The following BMP2K variants were observed in gnomAD, a reference collection of about 807,000 sequenced individuals.
The protein encoded by BMP2K is BMP-2-inducible protein kinase.
BMP2K carries 74 observed loss-of-function variants against 116.0 expected under a neutral mutation model. The ratio of observed to expected loss-of-function variants is 0.64; its 90% CI spans 0.53 to 0.77. The LOEUF (loss-of-function observed/expected upper bound fraction) is 0.77, where lower values mean the gene tolerates loss of function less well. Ranked by LOEUF, BMP2K falls within the 30% of genes least tolerant of loss-of-function variation. BMP2K has a pLI of 0.00. For synonymous variants in BMP2K, 486 were observed against 502.5 expected (o/e 0.97, Z 0.44); for missense variants, 1,365 against 1,403.6 (o/e 0.97, Z 0.44).
chr4:78,911,548 C>T lies in BMP2K; in HGVS notation c.3001C>T (p.Pro1001Ser), dbSNP rs748405540. Reference sequence around the variant, plus strand: ...TAATGGGAAGCGGCATCATGGCACGCCAACTAGCACAAAGAAGACTTTGAA... The same window carrying T: ...TAATGGGAAGCGGCATCATGGCACGTCAACTAGCACAAAGAAGACTTTGAA... Reference protein sequence around the residue: ...KSNGKRHHGTPTSTKKTLKPT... With the variant: ...KSNGKRHHGTSTSTKKTLKPT... Residue 1001 changes from proline (P) to serine (S), a missense_variant, in exon 16 of 16, where the codon CCA (proline) becomes TCA (serine). Physicochemically the swap from Pro to Ser is moderately conservative, Grantham distance 74. Coordinates refer to ENST00000502613, the MANE Select transcript of BMP2K (RefSeq NM_198892.2). 1.1e-5 allele frequency: 18 copies of T among 1,614,018 alleles called. No homozygotes were observed. The highest frequency in any genetic ancestry group is 1.4e-5 in the Non-Finnish European group (17 of 1,179,896).
rs1203491478 is a variant in BMP2K at position 78,903,196 on chromosome 4, C to T, written c.2063-7414C>T. ...GCCTAAACATAGCCTTTTATGAAGACTCATAAGCACAGAATGGGCAAATTC... is the reference window on the plus strand; with the variant it reads ...GCCTAAACATAGCCTTTTATGAAGATTCATAAGCACAGAATGGGCAAATTC... On this transcript the variant is annotated intron_variant, in intron 15 of 15. Transcript: ENST00000502613. Among the ~76,000 whole-genome samples the T allele has an allele frequency of 2.6e-5, 4 of 151,616 alleles. No homozygotes were observed. In the East Asian group the frequency reaches 7.7e-4, roughly 29 times the overall value.
rs761287817 is a variant in BMP2K, at chr4:78,872,622, G to C, written c.1617G>C (p.Gln539His). ...SASQYPTMMP[Q>H]YQQAFFQQQM... is the part of the protein sequence containing the mutation. ...ATCATTTCTTTTTTCAGATGCCGCA[G>C]TATCAGCAGGCTTTCTTTCAACAGC... The change falls in exon 13 of 16, where the codon CAG (glutamine) becomes CAC (histidine). Residue 539 changes from glutamine to histidine, a missense_variant. By Grantham distance (24) the Gln-to-His change is conservative. Transcript: ENST00000502613. 6.2e-7 allele frequency: 1 copy of C among 1,613,870 alleles called. No homozygotes were observed. The highest frequency in any genetic ancestry group is 1.1e-5 in the South Asian group (1 of 91,062).
intron 1 of BMP2K, among the ~76,000 whole-genome samples, chr4:78,791,801 T>C (rs1728015278): frequency 1.3e-5 from 2 of 152,152 alleles, no homozygotes; most frequent in South Asian, 4.1e-4. Flanking sequence ...TTTTTAAGAC[T>C]GAATAATACT....
At chr4:78,812,768 C>T (rs1472209705) in intron 1 of BMP2K, among the ~76,000 whole-genome samples, 1 of 152,280 alleles carries the variant, frequency 6.6e-6, no homozygotes, top group East Asian at 1.9e-4. Context: ...TGTGGTGGCT[C>T]ATGCTTGTGA....
chr4:78,852,200 G>A (rs911074470), intron 7 of BMP2K, among the ~76,000 whole-genome samples: 2 of 151,952 alleles, frequency 1.3e-5, no homozygotes, highest in Non-Finnish European at 2.9e-5. Flanking sequence ...ATGTGTGTTT[G>A]TAATGTGAGA....
At chr4:78,866,775 C>T (rs1732072219) in intron 10 of BMP2K, among the ~76,000 whole-genome samples, 1 of 152,110 alleles carries the variant, frequency 6.6e-6, no homozygotes, top group Non-Finnish European at 1.5e-5. Context: ...CTCAGCCTTC[C>T]AAGTAGCTGG....
chr4:78,881,166 G>T (rs1438858344), intron 14 of BMP2K, among the ~76,000 whole-genome samples: 1 of 152,192 alleles, frequency 6.6e-6, no homozygotes, highest in Non-Finnish European at 1.5e-5. Flanking sequence ...ATAATTAAAT[G>T]ATGTCTTTAA....
intron 1 of BMP2K, among the ~76,000 whole-genome samples, chr4:78,824,502 A>G (rs1729778064): frequency 6.6e-6 from 1 of 152,204 alleles, no homozygotes; most frequent in Admixed American, 6.5e-5. Flanking sequence ...TCACTACCAC[A>G]AGAACAGTCT....
chr4:78,906,059 T>G (rs1235885889), intron 15 of BMP2K: 2 of 152,120 alleles, frequency 1.3e-5, no homozygotes, highest in East Asian at 3.8e-4. Context: ...TTCTGTAGTT[T>G]CATGATGAAT....
intron 1 of BMP2K, among the ~76,000 whole-genome samples, chr4:78,819,456 C>T (rs1729513696): frequency 6.6e-6 from 1 of 152,178 alleles, no homozygotes; most frequent in African/African-American, 2.4e-5. Context: ...CATACAGAAC[C>T]TCATTTATTC....
chr4:78,875,970 A>G (rs1328365424), intron 13 of BMP2K, among the ~76,000 whole-genome samples: 1 of 152,188 alleles, frequency 6.6e-6, no homozygotes, highest in African/African-American at 2.4e-5. Flanking sequence ...TTCATTTGTT[A>G]GAATTGAGTC....
intron 15 of BMP2K, among the ~76,000 whole-genome samples, chr4:78,897,438 TAATTG>T (rs200453546): frequency 0.026 from 4,018 of 152,210 alleles, 174 homozygotes; most frequent in African/African-American, 0.091. Context: ...GTCTCTGCTA[TAATTG>T]AATTAAAAAT....
rs752589888 is a variant in BMP2K at position 78,847,265 on chromosome 4, T to C, written c.746T>C (p.Ile249Thr). The C allele has an allele frequency of 1.9e-6, 3 of 1,588,994 alleles. No individual in the cohort carries two copies. Among genetic ancestry groups the C allele is most frequent in the Non-Finnish European group, 1.7e-6 (2 of 1,166,760 alleles). The part of the protein sequence containing the change: ...GGKPITTKAD[I>T]WALGCLLYKL... ...AAACCCATCACCACCAAGGCTGATA[T>C]CTGGGTAAGGCCAAGAAAGGCTGGA... Residue 249 changes from isoleucine to threonine, a missense_variant, in exon 6 of 16, where the codon ATC becomes ACC. By Grantham distance (89) the Ile-to-Thr change is moderately conservative. Around this residue, in one of 3 missense-constraint regions of BMP2K, gnomAD observed 762 missense variants for 756.7 expected, o/e 1.01. Coordinates refer to ENST00000502613, the MANE Select transcript of BMP2K (RefSeq NM_198892.2).
intron 13 of BMP2K, among the ~76,000 whole-genome samples, chr4:78,877,454 C>G (rs1167881970): frequency 6.6e-6 from 1 of 152,014 alleles, no homozygotes; most frequent in Non-Finnish European, 1.5e-5. Flanking sequence ...ACACACACAT[C>G]AGCCCGGGCC....
At chr4:78,795,219 T>C (rs974186509) in intron 1 of BMP2K, among the ~76,000 whole-genome samples, 2 of 152,228 alleles carry the variant, frequency 1.3e-5, no homozygotes, top group Non-Finnish European at 2.9e-5. Context: ...GACTACAAAC[T>C]CACACATACG....
chr4:78,880,897 A>G (rs539102952), intron 14 of BMP2K, among the ~76,000 whole-genome samples: 1 of 152,340 alleles, frequency 6.6e-6, no homozygotes, highest in South Asian at 2.1e-4. Flanking sequence ...AAAGTGCAGG[A>G]GGAATTTTAT....
rs1734601646 is a variant in BMP2K, at chr4:78,911,473, C to T, written c.2926C>T (p.Gln976Ter). The change falls in exon 16 of 16, where the codon CAG becomes TAG. Residue 976 changes from glutamine to a stop codon, truncating the protein, a stop_gained. Coordinates refer to ENST00000502613, the MANE Select transcript of BMP2K (RefSeq NM_198892.2). LOFTEE classifies it high-confidence loss of function. ...GCAAAAAGTCAAACAGCGCAGCTTA[C>T]AGAAACTGTCCTCTCGCCAAAGGCG... ...QQQKVKQRSLQKLSSRQRRTK... is the reference protein window; with the variant it reads ...QQQKVKQRSL The T allele has an allele frequency of 5.6e-6, 9 of 1,614,028 alleles. No individual in the cohort carries two copies. Among genetic ancestry groups the T allele is most frequent in the Non-Finnish European group, 6.8e-6 (8 of 1,179,896 alleles).
At chr4:78,807,831 T>C (rs1560508696) in intron 1 of BMP2K, among the ~76,000 whole-genome samples, 1 of 152,096 alleles carries the variant, frequency 6.6e-6, no homozygotes, top group Non-Finnish European at 1.5e-5. Flanking sequence ...TATAATCCTT[T>C]TGATTTCTTT....
intron 1 of BMP2K, among the ~76,000 whole-genome samples, chr4:78,812,225 TCCC>T (rs915483897): frequency 2.0e-5 from 3 of 152,176 alleles, no homozygotes; most frequent in Admixed American, 1.3e-4. Flanking sequence ...CACCTCGGCC[TCCC>T]AAAGTATTAG....
Sources: gnomAD v4.1 joint callset for allele counts (sites outside exome capture counted in the v4.1 genomes callset) on GRCh38, gnomAD v4.1.1 for gene constraint, gnomAD v4.1.1 regional missense constraint, MANE v1.5 for transcripts, NCBI Gene and HGNC (gene_info 2026-07-23, HGNC 2026-07-21) for gene names.